Variants in MCTP1 observed in about 807,000 individuals in gnomAD.
MCTP1 encodes the protein multiple C2 and transmembrane domain-containing protein 1.
In MCTP1, 69 loss-of-function variants were observed where a neutral mutation model predicts 120.6. The ratio of observed to expected loss-of-function variants is 0.57; its 90% CI spans 0.47 to 0.70. The LOEUF (loss-of-function observed/expected upper bound fraction) is 0.70. Ranked by LOEUF, MCTP1 falls within the 30% of genes least tolerant of loss-of-function variation. The pLI is 0.00. For missense variants in MCTP1, 1,203 were observed against 1,248.8 expected, an observed-to-expected ratio of 0.96 and a Z score of 0.55; for synonymous variants, 529 against 493.1, an observed-to-expected ratio of 1.07 and a Z score of -0.96.
At chr5:94,873,774 T>G (rs1798262066) in intron 12 of MCTP1, among the ~76,000 whole-genome samples, 1 of 151,918 alleles carries the variant, frequency 6.6e-6, no homozygotes, top group Non-Finnish European at 1.5e-5. Flanking sequence ...TTCTGAGATA[T>G]CTATGACATC....
chr5:95,144,704 T>A lies in MCTP1; in HGVS notation c.721-127220A>T, dbSNP rs74420862. ...TCATTTTTGTCAGCTTTGTCAATGA[T>A]CAGATGGTTGTACCTCTGTGACTTT... On this transcript the variant is annotated intron_variant, in intron 1 of 22. Coordinates refer to ENST00000515393, the MANE Select transcript of MCTP1 (RefSeq NM_024717.7). Among the ~76,000 whole-genome samples, 1,300 of 152,294 alleles carry A rather than the reference T, an allele frequency of 8.5e-3. 10 individuals carry two copies. The highest frequency in any genetic ancestry group is 0.015 in the Non-Finnish European group (1,024 of 68,006).
chr5:95,176,743 A>G (rs1012189662), intron 1 of MCTP1, among the ~76,000 whole-genome samples: 1 of 152,122 alleles, frequency 6.6e-6, no homozygotes, highest in African/African-American at 2.4e-5. Flanking sequence ...CTGTAGTCCC[A>G]GCTAATCAGG....
At chr5:94,878,439 T>C (rs998369959) in intron 12 of MCTP1, among the ~76,000 whole-genome samples, 1 of 152,118 alleles carries the variant, frequency 6.6e-6, no homozygotes, top group Admixed American at 6.6e-5. Context: ...CACTGAGTCA[T>C]GAAGCAGATT....
rs533211773 is a variant in MCTP1, at chr5:95,051,825, A to G, written c.721-34341T>C. Among the ~76,000 whole-genome samples the G allele has an allele frequency of 2.6e-5, 4 of 152,268 alleles. No homozygotes were observed. The South Asian group carries it at 8.3e-4, about 32-fold the overall frequency. The stretch of plus-strand genomic sequence containing the variant: ...CAACATGTTCTCACTTATAAGTGGG[A>G]GCTAAACATTGAGTACACAGGACAC... On this transcript the variant is annotated intron_variant, in intron 1 of 22. Transcript: ENST00000515393.
rs1424965483 is a variant in MCTP1, at chr5:94,714,833, A to G, written c.2664T>C (p.Cys888=). ...CATCTAGGATGTTCTGGACACTGAC[A>G]CATACCTCCTGGATGGCATAGATTT... ...INKIYAIQEV[C]VSVQNILDEV... The change falls in exon 20 of 23, where the codon TGT becomes TGC. Residue 888 remains cysteine (C), a synonymous_variant. Coordinates refer to ENST00000515393, the MANE Select transcript of MCTP1 (RefSeq NM_024717.7). 2.5e-6 allele frequency: 4 copies of G among 1,613,136 alleles called. No individual in the cohort carries two copies. The South Asian group carries it at 4.4e-5, about 18-fold the overall frequency.
intron 7 of MCTP1, among the ~76,000 whole-genome samples, chr5:94,919,925 C>T (rs1438489171): frequency 6.6e-6 from 1 of 152,186 alleles, no homozygotes; most frequent in East Asian, 1.9e-4. Flanking sequence ...TATAATAAAG[C>T]TTTGATCCTT....
chr5:95,049,085 C>T (rs1436921281), intron 1 of MCTP1, among the ~76,000 whole-genome samples: 3 of 152,030 alleles, frequency 2.0e-5, no homozygotes, highest in Non-Finnish European at 4.4e-5. Context: ...TATTTAATGG[C>T]GTCATCTTTA....
intron 1 of MCTP1, among the ~76,000 whole-genome samples, chr5:95,155,940 C>T (rs994966399): frequency 6.6e-6 from 1 of 152,176 alleles, no homozygotes; most frequent in Admixed American, 6.5e-5. Context: ...CTTCCACTGG[C>T]TTTGAAGACA....
At chr5:95,234,360 C>T (rs1755302133) in intron 1 of MCTP1, among the ~76,000 whole-genome samples, 1 of 152,174 alleles carries the variant, frequency 6.6e-6, no homozygotes, top group African/African-American at 2.4e-5. Context: ...TCCCTTTCCT[C>T]CCAGGGTGAA....
At chr5:94,708,878 T>TC (rs933760294) in intron 21 of MCTP1, 114 of 279,736 alleles carry the variant, frequency 4.1e-4, no homozygotes, top group African/African-American at 2.2e-3. Flanking sequence ...TGGTTTTTTT[T>TC]CCCCCTGTGT....
chr5:94,818,157 G>A (rs153897), intron 17 of MCTP1, among the ~76,000 whole-genome samples: 29,454 of 152,128 alleles, frequency 0.19, 3,731 homozygotes, highest in East Asian at 0.63. Flanking sequence ...TAAGATGAAT[G>A]CTAACGCAGA....
chr5:94,777,927 C>CATGTGTGTGTGT (rs1554095231), intron 19 of MCTP1, among the ~76,000 whole-genome samples: 1 of 148,850 alleles, frequency 6.7e-6, no homozygotes, highest in African/African-American at 2.5e-5. Flanking sequence ...AGAAAGTGTG[C>CATGTGTGTGTGT]GTGTGTGTGT....
At chr5:94,798,101 TAAA>T (rs11300597) in intron 18 of MCTP1, among the ~76,000 whole-genome samples, 23 of 148,226 alleles carry the variant, frequency 1.6e-4, no homozygotes, top group Non-Finnish European at 1.8e-4. Context: ...TCCTTGATGG[TAAA>T]AAAAAAAAAA....
At chr5:95,229,404 A>C (rs911408937) in intron 1 of MCTP1, among the ~76,000 whole-genome samples, 1 of 152,178 alleles carries the variant, frequency 6.6e-6, no homozygotes, top group African/African-American at 2.4e-5. Context: ...CTCCTCTAAG[A>C]TACCCCAAAG....
intron 12 of MCTP1, among the ~76,000 whole-genome samples, chr5:94,876,806 G>A (rs961303838): frequency 6.6e-6 from 1 of 151,974 alleles, no homozygotes; most frequent in Non-Finnish European, 1.5e-5. Flanking sequence ...GGAAATCAGC[G>A]TTCCTTGAGG....
chr5:95,228,040 G>T (rs1470043550), intron 1 of MCTP1, among the ~76,000 whole-genome samples: 1 of 152,050 alleles, frequency 6.6e-6, no homozygotes, highest in Non-Finnish European at 1.5e-5. Context: ...TATAAAAAAT[G>T]CTATTATAGT....
chr5:95,081,333 G>A, intron 1 of MCTP1: 1 of 1,073,190 alleles, frequency 9.3e-7, no homozygotes, highest in Non-Finnish European at 1.4e-6. Flanking sequence ...TACCCCGTGA[G>A]AAGGCATTTT....
At chr5:94,819,103 ATT>A (rs1208110199) in intron 17 of MCTP1, among the ~76,000 whole-genome samples, 1 of 135,910 alleles carries the variant, frequency 7.4e-6, no homozygotes, top group South Asian at 2.4e-4. Context: ...TTATTTATTT[ATT>A]TATTTATTTA....
chr5:94,796,438 G>A (rs1265874859), intron 18 of MCTP1, among the ~76,000 whole-genome samples: 1 of 151,310 alleles, frequency 6.6e-6, no homozygotes, highest in Non-Finnish European at 1.5e-5. Context: ...GGTGTCTCTG[G>A]GATATCAATA....
Sources: gnomAD v4.1 joint callset for allele counts (sites outside exome capture counted in the v4.1 genomes callset) on GRCh38, gnomAD v4.1.1 for gene constraint, MANE v1.5 for transcripts, NCBI Gene and HGNC (gene_info 2026-07-23, HGNC 2026-07-21) for gene names.